The following SOAT1 variants were observed in gnomAD, a reference collection of about 807,000 sequenced individuals.
SOAT1 encodes the protein acyl-coenzyme A:cholesterol acyltransferase 1.
SOAT1 carries 55 observed loss-of-function variants against 69.5 expected under a neutral mutation model. The ratio of observed to expected loss-of-function variants is 0.79; its 90% CI spans 0.64 to 0.99. SOAT1 has a LOEUF of 0.99. SOAT1 is among the 50% of genes least tolerant of loss of function. The pLI is 0.00. For synonymous variants in SOAT1, 231 were observed against 224.7 expected (o/e 1.03, Z -0.25); for missense variants, 580 against 669.3 (o/e 0.87, Z 1.47).
chr1:179,335,464 A>G (rs1666114244), intron 3 of SOAT1, 42 bp from the exon 4 acceptor site: 5 of 1,550,200 alleles, frequency 3.2e-6, no homozygotes, highest in Non-Finnish European at 4.4e-6. Flanking sequence ...ACTCACAAGC[A>G]TGTATTAGTT....
In SOAT1 at chr1:179,302,664, CCTT is replaced by C. The variant is rs1290001678; in HGVS notation, c.-8-9_-8-7del. On this transcript the variant is annotated splice_polypyrimidine_tract_variant and intron_variant, in intron 1 of 15. Coordinates refer to ENST00000367619, the MANE Select transcript of SOAT1 (RefSeq NM_003101.6). ...CGGACTAATACGAAAGCTTTTTACA[CCTT>C]CTTTCCTAGACAATACAATGGTGGG... The C allele has an allele frequency of 3.2e-6, 5 of 1,549,000 alleles. No individual in the cohort carries two copies. In the Admixed American group the frequency reaches 6.2e-5, roughly 19 times the overall value.
chr1:179,335,756 GT>G, intron 4 of SOAT1, 99 bp downstream of exon 4: 1 of 1,175,148 alleles, frequency 8.5e-7, no homozygotes, highest in South Asian at 1.8e-5. Flanking sequence ...ACACCCTGGT[GT>G]CACTTTCTAT....
At chr1:179,329,266 G>A (rs1665892082) in intron 3 of SOAT1, among the ~76,000 whole-genome samples, 1 of 151,610 alleles carries the variant, frequency 6.6e-6, no homozygotes, top group African/African-American at 2.4e-5. Flanking sequence ...TTGAACCCAG[G>A]AGGCAGAGGT....
chr1:179,343,824 A>G (rs933620893), intron 10 of SOAT1, among the ~76,000 whole-genome samples, 189 bp downstream of exon 10: 11 of 152,222 alleles, frequency 7.2e-5, no homozygotes, highest in African/African-American at 2.2e-4. Flanking sequence ...AATTTTCTTT[A>G]ATAAAAGAAT....
At chr1:179,295,447 C>T (rs1211969525) in intron 1 of SOAT1, among the ~76,000 whole-genome samples, 1 of 152,138 alleles carries the variant, frequency 6.6e-6, no homozygotes, top group Non-Finnish European at 1.5e-5. Flanking sequence ...TGCTTTGTTT[C>T]CTCTGCTAGT....
Position 179,335,591 on chromosome 1 carries a change from A to C in SOAT1, c.263A>C (p.Asp88Ala). 1 of 1,613,966 alleles carries C rather than the reference A, an allele frequency of 6.2e-7. No individual in the cohort carries two copies. Among genetic ancestry groups the C allele is most frequent in the Non-Finnish European group, 8.5e-7 (1 of 1,179,822 alleles). The change falls in exon 4 of 16, where the codon GAT becomes GCT. Residue 88 changes from aspartate (D) to alanine (A), a missense_variant. Coordinates refer to ENST00000367619, the MANE Select transcript of SOAT1 (RefSeq NM_003101.6). ...CTCATTGAAAAGTCAGCATCATTAG[A>C]TAATGGTGGGTGCGCTCTCACAACC... ...TNLIEKSASL[D>A]NGGCALTTFS...
intron 3 of SOAT1, among the ~76,000 whole-genome samples, chr1:179,329,166 TGAGTAAGAGTCAG>T (rs1665887916): frequency 6.6e-6 from 1 of 152,010 alleles, no homozygotes; most frequent in Non-Finnish European, 1.5e-5. Context: ...ATCAAACTGA[TGAGTAAGAGTCAG>T]GATACAAAAA....
At chr1:179,342,392 A>G (rs1162223054) in intron 8 of SOAT1, among the ~76,000 whole-genome samples, 200 bp downstream of exon 8, 1 of 146,450 alleles carries the variant, frequency 6.8e-6, no homozygotes, top group Admixed American at 6.9e-5. Context: ...TATTGGCTGG[A>G]TATTTCACCC....
Position 179,342,867 on chromosome 1 carries a change from G to T in SOAT1, c.865G>T (p.Val289Phe), listed in dbSNP as rs1666388008. 1 of 1,612,704 alleles carries T rather than the reference G, an allele frequency of 6.2e-7. No homozygotes were observed. The part of the protein sequence containing the change: ...LNSAKEKSST[V>F]PIPTVNQYLY... Reference sequence around the variant, plus strand: ...CTATAGTTTTCCTTTTCTAGGCACTGTTCCAATACCTACAGTCAACCAGTA... The same window carrying T: ...CTATAGTTTTCCTTTTCTAGGCACTTTTCCAATACCTACAGTCAACCAGTA... The change falls in exon 9 of 16, where the codon GTT becomes TTT. Residue 289 changes from valine (V) to phenylalanine (F), a missense_variant. By Grantham distance (50) the Val-to-Phe change is conservative. Coordinates refer to ENST00000367619, the MANE Select transcript of SOAT1 (RefSeq NM_003101.6).
intron 2 of SOAT1, among the ~76,000 whole-genome samples, chr1:179,311,591 C>A (rs866897147): frequency 9.0e-6 from 1 of 110,874 alleles, no homozygotes; most frequent in Non-Finnish European, 2.0e-5. Context: ...AAAAAAAAAT[C>A]GTTTCTAAAT....
chr1:179,324,879 T>A (rs1350171906), intron 3 of SOAT1, among the ~76,000 whole-genome samples: 2 of 152,180 alleles, frequency 1.3e-5, no homozygotes, highest in Non-Finnish European at 2.9e-5. Context: ...CTCGGCTCAC[T>A]GCAACCTCCG....
chr1:179,299,353 G>A lies in SOAT1; in HGVS notation c.-8-3324G>A, dbSNP rs533435557. Among the ~76,000 whole-genome samples the A allele has an allele frequency of 6.6e-5, 10 of 152,292 alleles. No homozygotes were observed. The South Asian group carries it at 2.1e-3, about 32-fold the overall frequency. The stretch of plus-strand genomic sequence containing the variant: ...TAAGGTTGTAAAGATTAAATGTAAT[G>A]TAAAAAGTTTAGCAGCACAGTGCCT... On this transcript the variant is annotated intron_variant, in intron 1 of 15. Transcript: ENST00000367619.
intron 15 of SOAT1, among the ~76,000 whole-genome samples, chr1:179,351,720 A>ACTTTTTT (rs1558061106): frequency 2.3e-5 from 1 of 43,486 alleles, no homozygotes; most frequent in Non-Finnish European, 4.3e-5. Flanking sequence ...AGCCCCTTCT[A>ACTTTTTT]ATTTTTTTTT....
At position 179,356,643 on chromosome 1, in the gene SOAT1, C is replaced by G. The variant is rs962631820; in HGVS notation, c.*3002C>G. 52 of 151,564 alleles carry G rather than the reference C, an allele frequency of 3.4e-4. No homozygotes were observed. The highest frequency in any genetic ancestry group is 1.1e-3 in the African/African-American group (45 of 41,286). The allele number at this position is 151,564 out of a possible 1,614,324, so 9.4% of individuals were successfully genotyped here. The stretch of plus-strand genomic sequence containing the variant: ...GTGCTGGGATTACAGGTGTGAGCCA[C>G]GGCTCCTGGCTCCTTGCTCCAGAAT... On this transcript the variant is annotated 3_prime_UTR_variant, in exon 16 of 16. Coordinates refer to ENST00000367619, the MANE Select transcript of SOAT1 (RefSeq NM_003101.6).
intron 11 of SOAT1, among the ~76,000 whole-genome samples, chr1:179,345,297 C>G (rs553573879): frequency 2.0e-5 from 3 of 152,324 alleles, no homozygotes; most frequent in East Asian, 3.9e-4. Context: ...GTGCCTTTCT[C>G]TGACAGTGGA....
chr1:179,315,411 C>CT (rs1665358095), intron 2 of SOAT1, among the ~76,000 whole-genome samples: 1 of 151,558 alleles, frequency 6.6e-6, no homozygotes, highest in African/African-American at 2.4e-5. Context: ...CCACAGTGAG[C>CT]TATGATCATG....
chr1:179,297,304 T>C (rs1330405021), intron 1 of SOAT1, among the ~76,000 whole-genome samples: 6 of 152,170 alleles, frequency 3.9e-5, no homozygotes, highest in Non-Finnish European at 5.9e-5. Flanking sequence ...TAGCTATTAA[T>C]GTCCCCCAAT....
chr1:179,298,017 A>G (rs1256627660), intron 1 of SOAT1, among the ~76,000 whole-genome samples: 3 of 140,192 alleles, frequency 2.1e-5, no homozygotes, highest in African/African-American at 8.1e-5. Context: ...AAAAAAAAAG[A>G]TTGATGGTGT....
intron 3 of SOAT1, among the ~76,000 whole-genome samples, chr1:179,328,124 A>G (rs1380399614): frequency 6.6e-6 from 1 of 152,178 alleles, no homozygotes; most frequent in Non-Finnish European, 1.5e-5. Flanking sequence ...AACAGAAACA[A>G]GGTCTCACTA....
Sources: gnomAD v4.1 joint callset for allele counts (sites outside exome capture counted in the v4.1 genomes callset) on GRCh38, gnomAD v4.1.1 for gene constraint, MANE v1.5 for transcripts, NCBI Gene and HGNC (gene_info 2026-07-23, HGNC 2026-07-21) for gene names.